The following PIWIL1 variants were observed in gnomAD, a reference collection of about 807,000 sequenced individuals.
The protein encoded by PIWIL1 is piwi-like protein 1.
Under a neutral mutation model 114.4 loss-of-function variants are expected in PIWIL1, and 73 were observed. That is an observed-to-expected ratio of 0.64 (90% CI 0.53 to 0.78). The LOEUF (loss-of-function observed/expected upper bound fraction) is 0.78. PIWIL1 is among the 30% of genes least tolerant of loss of function. The pLI is 0.00. For missense variants in PIWIL1, 723 were observed against 1,063.1 expected (o/e 0.68, Z 4.45); for synonymous variants, 375 against 369.0 (o/e 1.02, Z -0.19).
chr12:130,345,480 G>A (rs997206799), intron 3 of PIWIL1: 1 of 329,502 alleles, frequency 3.0e-6, no homozygotes, highest in East Asian at 5.9e-5. Context: ...AGTCCAGTTG[G>A]CTTGATCTCT....
chr12:130,407,964 C>T, the PIWIL1 span: 1 of 735,096 alleles, frequency 1.4e-6, no homozygotes, highest in East Asian at 2.6e-5. Flanking sequence ...TGCTCCTGGG[C>T]ACTCACATCA....
chr12:130,424,319 G>C, the PIWIL1 span: 1 of 1,231,614 alleles, frequency 8.1e-7, no homozygotes. The surrounding 1 kb of genome is among the most constrained non-coding windows in gnomAD (Gnocchi z 9.8). Context: ...CGTCGTTCCT[G>C]AGGAGGCCAC....
chr12:130,361,177 C>T lies in PIWIL1; in HGVS notation c.1666-3C>T. The T allele has an allele frequency of 4.3e-6, 7 of 1,613,926 alleles. No individual in the cohort carries two copies. Among genetic ancestry groups the T allele is most frequent in the South Asian group, 1.1e-5 (1 of 91,018 alleles). ...CTTTGTAACAAGGGCACTTTGTTTT[C>T]AGGTTGTCTGTCTGTTGTCAAGTAA... On this transcript the variant is annotated splice_region_variant and splice_polypyrimidine_tract_variant and intron_variant, in intron 14 of 20. Transcript: ENST00000245255.
chr12:130,351,018 C>A (rs576259889), intron 9 of PIWIL1: 3 of 152,304 alleles, frequency 2.0e-5, no homozygotes, highest in African/African-American at 7.2e-5. Flanking sequence ...CATGTCTTTC[C>A]TCCCACTGTT....
In PIWIL1 at chr12:130,371,472, T is replaced by A; in HGVS notation, c.2470-10T>A. The A allele has an allele frequency of 6.2e-7, 1 of 1,613,160 alleles. No individual in the cohort carries two copies. Among genetic ancestry groups the A allele is most frequent in the Non-Finnish European group, 8.5e-7 (1 of 1,179,206 alleles). On this transcript the variant is annotated splice_polypyrimidine_tract_variant and intron_variant, in intron 20 of 20. Transcript: ENST00000245255. Reference sequence around the variant, plus strand: ...TAGAGTAATAGAACCTTTTTTTCCTTCCACTAAAGGGTGTCATTCGTGTTC... The same window carrying A: ...TAGAGTAATAGAACCTTTTTTTCCTACCACTAAAGGGTGTCATTCGTGTTC...
rs780719692 is a variant in PIWIL1, at chr12:130,345,786, CGTTA to C, written c.226_229del (p.Leu76GlnfsTer15). 2 of 1,613,826 alleles carry C rather than the reference CGTTA, an allele frequency of 1.2e-6. No homozygotes were observed. Among genetic ancestry groups the C allele is most frequent in the Non-Finnish European group, 1.7e-6 (2 of 1,179,860 alleles). The stretch of plus-strand genomic sequence containing the variant: ...ATATCTGCTGGATTTCAGGAGTTAT[CGTTA>C]GCAGAGAGAGGAGGTCGTCGTAGAG... On this transcript the variant is annotated frameshift_variant, in exon 4 of 21. Coordinates refer to ENST00000245255, the MANE Select transcript of PIWIL1 (RefSeq NM_004764.5). LOFTEE classifies it high-confidence loss of function.
chr12:130,358,558 G>A (rs1293948755), intron 14 of PIWIL1, among the ~76,000 whole-genome samples: 2 of 152,016 alleles, frequency 1.3e-5, no homozygotes, highest in Non-Finnish European at 2.9e-5. Context: ...CTCCCTAGTA[G>A]CCCAGGACAT....
chr12:130,400,758 T>C, the PIWIL1 span, among the ~76,000 whole-genome samples: 2 of 152,208 alleles, frequency 1.3e-5, no homozygotes, highest in African/African-American at 2.4e-5. Flanking sequence ...CCAGAACATA[T>C]AAAGAACATC....
chr12:130,355,741 A>G (rs1232682268), intron 12 of PIWIL1, 74 bp downstream of exon 12: 2 of 1,037,394 alleles, frequency 1.9e-6, no homozygotes, highest in Non-Finnish European at 3.0e-6. Context: ...GCAGGAGTAC[A>G]GTGGTGCAAT....
At chr12:130,372,597 C>CAAAAAAAAAAAAAAAAAAA (rs60262232) in exon 21 of PIWIL1, 1 of 67,914 alleles carries the variant, frequency 1.5e-5, no homozygotes, top group African/African-American at 6.9e-5. Flanking sequence ...GACTCCGTCT[C>CAAAAAAAAAAAAAAAAAAA]AAAAAAAAAA....
At chr12:130,415,965 A>G in the PIWIL1 span, among the ~76,000 whole-genome samples, 1 of 152,028 alleles carries the variant, frequency 6.6e-6, no homozygotes, top group Non-Finnish European at 1.5e-5. Flanking sequence ...ATAGCCACAC[A>G]CACACACACA....
Position 130,345,894 on chromosome 12 carries a change from A to G in PIWIL1, c.316+16A>G, listed in dbSNP as rs749530861. 6.2e-7 allele frequency: 1 copy of G among 1,612,504 alleles called. No homozygotes were observed. Among genetic ancestry groups the G allele is most frequent in the South Asian group, 1.1e-5 (1 of 90,560 alleles). On this transcript the variant is annotated intron_variant, in intron 4 of 20. Transcript: ENST00000245255. ...TCAAAAACAGGTAGGTTAATTAAGA[A>G]TAAGTTTTGTGAGATTACATCTCAG...
the PIWIL1 span, among the ~76,000 whole-genome samples, chr12:130,381,423 T>C: frequency 1.3e-5 from 2 of 152,196 alleles, no homozygotes; most frequent in Non-Finnish European, 2.9e-5. Context: ...AATCACACGG[T>C]ATGTAACTTT....
the PIWIL1 span, chr12:130,399,585 G>A: frequency 1.1e-5 from 15 of 1,427,774 alleles, no homozygotes; most frequent in East Asian, 2.3e-5. Context: ...TACGCTTTTC[G>A]GCCCAAGATA....
At chr12:130,357,157 A>C (rs749720319) in intron 13 of PIWIL1, 52 bp downstream of exon 13, 21 of 1,324,782 alleles carry the variant, frequency 1.6e-5, no homozygotes, top group Non-Finnish European at 2.1e-5. Context: ...AGTCATTTGG[A>C]GGGGTGGGAA....
chr12:130,412,548 T>C, the PIWIL1 span: 33 of 1,417,758 alleles, frequency 2.3e-5, no homozygotes, highest in East Asian at 3.0e-4. Flanking sequence ...CATCACCGCC[T>C]GCCTCTCTGA....
At chr12:130,361,152 C>A in intron 14 of PIWIL1, 28 bp from the exon 15 acceptor site, 1 of 1,609,456 alleles carries the variant, frequency 6.2e-7, no homozygotes, top group African/African-American at 1.3e-5. Context: ...TCTCCTAATT[C>A]TTTGTAACAA....
chr12:130,354,514 C>A (rs1311727449), intron 9 of PIWIL1, 23 bp from the exon 10 acceptor site: 1 of 1,613,902 alleles, frequency 6.2e-7, no homozygotes, highest in Non-Finnish European at 8.5e-7. Context: ...CCGTGAACAG[C>A]GACCCTTTCG....
chr12:130,402,029 C>T, the PIWIL1 span, among the ~76,000 whole-genome samples: 1 of 152,216 alleles, frequency 6.6e-6, no homozygotes. Flanking sequence ...GAACTGCCTG[C>T]ACTGGTTATT....
Sources: allele counts gnomAD v4.1 joint callset (sites outside exome capture counted in the v4.1 genomes callset), GRCh38; gene constraint gnomAD v4.1.1; non-coding constraint Gnocchi (gnomAD v3.1); transcripts MANE v1.5; gene names NCBI Gene and HGNC (gene_info 2026-07-23, HGNC 2026-07-21).